TMEM108: variants seen among roughly 807,000 people sequenced by gnomAD.
The protein encoded by TMEM108 is cancer/testis antigen 124.
Under a neutral mutation model 35.1 loss-of-function variants are expected in TMEM108, and 12 were observed. That is an observed-to-expected ratio of 0.34 (90% CI 0.22 to 0.55). The LOEUF (loss-of-function observed/expected upper bound fraction) is 0.55, where lower values mean the gene tolerates loss of function less well. Ranked by LOEUF, TMEM108 falls within the 20% of genes least tolerant of loss-of-function variation. The pLI is 0.89. For synonymous variants in TMEM108, 287 were observed against 308.6 expected, an observed-to-expected ratio of 0.93 and a Z score of 0.73; for missense variants, 680 against 753.3, an observed-to-expected ratio of 0.90 and a Z score of 1.14.
At chr3:133,049,746 TG>T (rs1166106797) in intron 2 of TMEM108, among the ~76,000 whole-genome samples, 1 of 152,134 alleles carries the variant, frequency 6.6e-6, no homozygotes. Flanking sequence ...TGACCCTTCG[TG>T]GTGAGGCTTG....
chr3:133,268,007 T>C lies in TMEM108; in HGVS notation c.40+38656T>C, dbSNP rs6777453. Among the ~76,000 whole-genome samples the C allele has an allele frequency of 2.4e-3, 360 of 152,196 alleles. 2 individuals are homozygous for C. The highest frequency in any genetic ancestry group is 7.9e-3 in the African/African-American group (330 of 41,518). On this transcript the variant is annotated intron_variant, in intron 3 of 5. Transcript: ENST00000321871. ...GAAACAGGGATCATTGAGTAGATCT[T>C]GAAGCTGGCTACCACACAAGGCCAT...
At chr3:133,206,556 C>T (rs1945757544) in intron 2 of TMEM108, among the ~76,000 whole-genome samples, 3 of 152,168 alleles carry the variant, frequency 2.0e-5, no homozygotes, top group Admixed American at 2.0e-4. Flanking sequence ...AGAGTCAGGC[C>T]CCTCTGCTGC....
At chr3:133,114,613 T>A (rs1944265677) in intron 2 of TMEM108, among the ~76,000 whole-genome samples, 2 of 152,096 alleles carry the variant, frequency 1.3e-5, no homozygotes, top group Non-Finnish European at 2.9e-5. Flanking sequence ...ATTCCCTGCC[T>A]CCTGCCTTTA....
chr3:133,139,407 T>G (rs1944611244), intron 2 of TMEM108, among the ~76,000 whole-genome samples: 2 of 152,252 alleles, frequency 1.3e-5, no homozygotes, highest in Non-Finnish European at 2.9e-5. Flanking sequence ...TTAGAAACTC[T>G]TGTTCTTAAA....
intron 3 of TMEM108, among the ~76,000 whole-genome samples, chr3:133,339,228 C>G (rs902583233): frequency 6.6e-6 from 1 of 150,782 alleles, no homozygotes; most frequent in African/African-American, 2.4e-5. Flanking sequence ...ACACACTTCA[C>G]CTATAAAGAC....
intron 3 of TMEM108, among the ~76,000 whole-genome samples, chr3:133,252,761 T>C (rs1190372353): frequency 1.3e-5 from 2 of 152,182 alleles, no homozygotes; most frequent in Non-Finnish European, 2.9e-5. Flanking sequence ...ATCACTTATC[T>C]GTAAAGTGGG....
chr3:133,304,879 C>T (rs1415589566), intron 3 of TMEM108, among the ~76,000 whole-genome samples: 1 of 151,926 alleles, frequency 6.6e-6, no homozygotes, highest in African/African-American at 2.4e-5. Flanking sequence ...GCCAGGAGTT[C>T]AACAGCAGCT....
intron 3 of TMEM108, among the ~76,000 whole-genome samples, chr3:133,376,882 A>AT (rs1412157957): frequency 2.6e-5 from 4 of 152,210 alleles, no homozygotes; most frequent in Non-Finnish European, 5.9e-5. Context: ...TAGGGCTTCC[A>AT]TAACACAATA....
Position 133,292,470 on chromosome 3 carries a change from C to G in TMEM108, c.40+63119C>G, listed in dbSNP as rs116545094. On this transcript the variant is annotated intron_variant, in intron 3 of 5. Coordinates refer to ENST00000321871, the MANE Select transcript of TMEM108 (RefSeq NM_023943.4). ...CCTTTGATCCTACCATTGTCTGCCTCTTGCTTGCTGTTAGCTTTGGCACTG... is the reference window on the plus strand; with the variant it reads ...CCTTTGATCCTACCATTGTCTGCCTGTTGCTTGCTGTTAGCTTTGGCACTG... Among the ~76,000 whole-genome samples, 1,173 of 152,306 alleles carry G rather than the reference C, an allele frequency of 7.7e-3. 18 individuals carry two copies. The highest frequency in any genetic ancestry group is 0.027 in the African/African-American group (1,113 of 41,564).
intron 2 of TMEM108, among the ~76,000 whole-genome samples, chr3:133,084,073 A>G (rs1320149631): frequency 2.0e-5 from 3 of 152,110 alleles, no homozygotes; most frequent in Non-Finnish European, 4.4e-5. Context: ...TGCATACCCC[A>G]GTATCATAAA....
chr3:133,224,418 T>TGTA (rs1946037502), intron 2 of TMEM108, among the ~76,000 whole-genome samples: 1 of 152,200 alleles, frequency 6.6e-6, no homozygotes, highest in Non-Finnish European at 1.5e-5. Flanking sequence ...GGAACACAGA[T>TGTA]GTAGCATATT....
chr3:133,180,521 G>A (rs1162130064), intron 2 of TMEM108, among the ~76,000 whole-genome samples: 2 of 151,584 alleles, frequency 1.3e-5, no homozygotes, highest in South Asian at 2.1e-4. Flanking sequence ...ATTTAGTTCA[G>A]TTCCCCAGAA....
In TMEM108 at chr3:133,353,869, C is replaced by G. The variant is rs1417824343; in HGVS notation, c.41-25883C>G. ...AATTTAATCATACAGCCTATTTGCC[C>G]AAGCTTTGCTTTATAAGCACCAGGC... On this transcript the variant is annotated intron_variant, in intron 3 of 5. Transcript: ENST00000321871. Among the ~76,000 whole-genome samples, 4 of 152,192 alleles carry G rather than the reference C, an allele frequency of 2.6e-5. No individual in the cohort carries two copies. In the East Asian group the frequency reaches 5.8e-4, roughly 22 times the overall value.
chr3:133,109,184 G>GTGT (rs1463164313), intron 2 of TMEM108, among the ~76,000 whole-genome samples: 1 of 152,044 alleles, frequency 6.6e-6, no homozygotes, highest in Non-Finnish European at 1.5e-5. Flanking sequence ...CTAACTAGCT[G>GTGT]TGTTATTTTG....
intron 2 of TMEM108, among the ~76,000 whole-genome samples, chr3:133,222,888 A>T (rs1340845986): frequency 2.0e-5 from 3 of 151,690 alleles, no homozygotes; most frequent in Non-Finnish European, 4.4e-5. Flanking sequence ...GAGCATGATT[A>T]TGGCTCACTA....
intron 3 of TMEM108, among the ~76,000 whole-genome samples, chr3:133,292,805 G>C (rs1328513015): frequency 2.6e-5 from 4 of 152,184 alleles, no homozygotes; most frequent in Non-Finnish European, 5.9e-5. Context: ...GCTTTGTAGA[G>C]AGCTCTGGGC....
chr3:133,378,045 A>C (rs1047098283), intron 3 of TMEM108, among the ~76,000 whole-genome samples: 1 of 152,166 alleles, frequency 6.6e-6, no homozygotes, highest in Admixed American at 6.5e-5. Flanking sequence ...CACAAAACCA[A>C]GTGGAAGACA....
chr3:133,318,176 G>A (rs2071221937), intron 3 of TMEM108, among the ~76,000 whole-genome samples: 1 of 152,192 alleles, frequency 6.6e-6, no homozygotes, highest in Admixed American at 6.5e-5. Flanking sequence ...AACTTTAAAA[G>A]TGACACACCA....
At chr3:133,387,067 T>C (rs1243718561) in intron 4 of TMEM108, 1 of 985,574 alleles carries the variant, frequency 1.0e-6, no homozygotes, top group Non-Finnish European at 1.2e-6. Flanking sequence ...AAATAGTGAA[T>C]GTTCTAACCC....
Sources: gnomAD v4.1 joint callset for allele counts (sites outside exome capture counted in the v4.1 genomes callset) on GRCh38, gnomAD v4.1.1 for gene constraint, MANE v1.5 for transcripts, NCBI Gene and HGNC (gene_info 2026-07-23, HGNC 2026-07-21) for gene names.